NRG1: variants seen among roughly 807,000 people sequenced by gnomAD.
The protein encoded by NRG1 is pro-neuregulin-1, membrane-bound isoform.
NRG1 carries 18 observed loss-of-function variants against 63.8 expected under a neutral mutation model. The observed-to-expected ratio is 0.28, with a 90% CI of 0.19 to 0.42. The LOEUF is 0.42. Among genes scored for constraint, NRG1 ranks in the 10% least tolerant of loss-of-function variants. The probability of loss-of-function intolerance (pLI) is 1.00; values close to 1 mark genes in which losing one functional copy is unlikely to be tolerated. For missense variants in NRG1, 762 were observed against 814.7 expected (o/e 0.94, Z 0.79); for synonymous variants, 302 against 301.3 (o/e 1.00, Z -0.02).
chr8:32,290,481 C>T (rs1382739639), intron 1 of NRG1, among the ~76,000 whole-genome samples: 1 of 152,010 alleles, frequency 6.6e-6, no homozygotes, highest in African/African-American at 2.4e-5. Flanking sequence ...TTACCATTCC[C>T]TTGTAGTTGC....
intron 5 of NRG1, among the ~76,000 whole-genome samples, chr8:32,621,452 C>CTTAAA (rs2129542541): frequency 6.6e-6 from 1 of 152,292 alleles, no homozygotes; most frequent in Admixed American, 6.5e-5. Context: ...TGGAACAAGC[C>CTTAAA]TTAATGACTT....
At chr8:31,926,288 T>C (rs966007872) in intron 1 of NRG1, among the ~76,000 whole-genome samples, 7 of 152,064 alleles carry the variant, frequency 4.6e-5, no homozygotes, top group African/African-American at 1.7e-4. Context: ...TTCAGTTCCA[T>C]TAAACTATGG....
intron 1 of NRG1, among the ~76,000 whole-genome samples, chr8:32,404,427 T>C (rs1813669012): frequency 6.6e-6 from 1 of 152,078 alleles, no homozygotes; most frequent in Admixed American, 6.5e-5. Context: ...GTGTCTTCAG[T>C]GCCTAGCACC....
At chr8:32,263,985 C>A (rs935129684) in intron 1 of NRG1, among the ~76,000 whole-genome samples, 3 of 152,110 alleles carry the variant, frequency 2.0e-5, no homozygotes, top group Admixed American at 2.0e-4. Flanking sequence ...AGCCCTACCC[C>A]CTCATTTACA....
At chr8:31,984,341 T>A (rs327369) in intron 1 of NRG1, among the ~76,000 whole-genome samples, 128,770 of 152,034 alleles carry the variant, frequency 0.85, 55,419 homozygotes, top group African/African-American at 0.96. Flanking sequence ...ATCTCATATT[T>A]TGCCCACTTC....
At chr8:32,593,897 A>G (rs1307526778) in intron 1 of NRG1, among the ~76,000 whole-genome samples, 2 of 150,296 alleles carry the variant, frequency 1.3e-5, no homozygotes, top group African/African-American at 4.9e-5. Flanking sequence ...ATATTCAGGT[A>G]TCAAGGGCTA....
intron 5 of NRG1, among the ~76,000 whole-genome samples, chr8:32,713,466 T>A (rs1052297356): frequency 2.5e-4 from 38 of 152,176 alleles, no homozygotes; most frequent in African/African-American, 9.1e-4. Flanking sequence ...CCTAATTGAG[T>A]TGAACTTCAA....
chr8:31,894,933 A>G (rs563591082), intron 1 of NRG1, among the ~76,000 whole-genome samples: 1 of 152,340 alleles, frequency 6.6e-6, no homozygotes, highest in East Asian at 1.9e-4. Context: ...GGAAAAAAAA[A>G]GTGTTTAAAA....
intron 1 of NRG1, among the ~76,000 whole-genome samples, chr8:31,932,338 G>A (rs1563583496): frequency 6.6e-6 from 1 of 152,172 alleles, no homozygotes; most frequent in African/African-American, 2.4e-5. Context: ...TTTCAGGCAA[G>A]TATCCGATGT....
At chr8:31,925,842 T>C (rs974049900) in intron 1 of NRG1, among the ~76,000 whole-genome samples, 1 of 152,230 alleles carries the variant, frequency 6.6e-6, no homozygotes, top group Non-Finnish European at 1.5e-5. Flanking sequence ...AAATTATCTG[T>C]CTGGTCATCT....
At chr8:32,157,369 A>AG (rs1838223479) in intron 1 of NRG1, among the ~76,000 whole-genome samples, 1 of 148,614 alleles carries the variant, frequency 6.7e-6, no homozygotes, top group African/African-American at 2.5e-5. Flanking sequence ...AAAAAAAAAA[A>AG]AAAAAAAAAA....
intron 1 of NRG1, among the ~76,000 whole-genome samples, chr8:31,666,013 C>T (rs1362756308): frequency 6.6e-6 from 1 of 152,098 alleles, no homozygotes; most frequent in African/African-American, 2.4e-5. Flanking sequence ...TTTAAATGTG[C>T]CTCCTACCGT....
intron 1 of NRG1, among the ~76,000 whole-genome samples, chr8:32,428,227 T>G (rs932978301): frequency 6.6e-6 from 1 of 152,228 alleles, no homozygotes; most frequent in African/African-American, 2.4e-5. Context: ...AAGTCTGACT[T>G]CAGCATCTTT....
At chr8:31,888,048 T>A (rs1251482140) in intron 1 of NRG1, among the ~76,000 whole-genome samples, 1 of 151,766 alleles carries the variant, frequency 6.6e-6, no homozygotes, top group African/African-American at 2.4e-5. Flanking sequence ...CATATCAATA[T>A]ATATTATACA....
rs546892534 is a variant in NRG1 at position 32,170,553 on chromosome 8, G to A, written c.38-425275G>A. ...ATTAGCCCTGACTCTAGAGCCACTG[G>A]ATGTTCAGGCAAAACTGACCCTAAA... is the stretch of plus-strand genomic sequence containing the variant. On this transcript the variant is annotated intron_variant, in intron 1 of 10. Transcript: ENST00000519301. Among the ~76,000 whole-genome samples the A allele has an allele frequency of 4.6e-5, 7 of 152,276 alleles. No homozygotes were observed. The East Asian group carries it at 1.3e-3, about 29-fold the overall frequency.
chr8:32,323,954 C>T (rs1801711881), intron 1 of NRG1, among the ~76,000 whole-genome samples: 1 of 152,176 alleles, frequency 6.6e-6, no homozygotes, highest in South Asian at 2.1e-4. Flanking sequence ...TGTTTCCTAT[C>T]ACACATCTTC....
At chr8:32,491,720 T>C (rs4733342) in intron 1 of NRG1, among the ~76,000 whole-genome samples, 20,806 of 152,184 alleles carry the variant, frequency 0.14, 1,693 homozygotes, top group Admixed American at 0.26. Context: ...TTCATAGAAA[T>C]GAGTGTGGAG....
At chr8:31,842,516 A>T (rs1173427875) in intron 1 of NRG1, among the ~76,000 whole-genome samples, 1 of 152,198 alleles carries the variant, frequency 6.6e-6, no homozygotes, top group Non-Finnish European at 1.5e-5. Flanking sequence ...ATTAAACTCC[A>T]TATATGCCAA....
At chr8:32,053,546 T>C (rs1483255070) in intron 1 of NRG1, among the ~76,000 whole-genome samples, 1 of 152,202 alleles carries the variant, frequency 6.6e-6, no homozygotes, top group Non-Finnish European at 1.5e-5. Flanking sequence ...CTTTTCATCA[T>C]GAAAGCTACT....
Sources: allele counts gnomAD v4.1 joint callset (sites outside exome capture counted in the v4.1 genomes callset), GRCh38; gene constraint gnomAD v4.1.1; transcripts MANE v1.5; gene names NCBI Gene and HGNC (gene_info 2026-07-23, HGNC 2026-07-21).